Variants in EPB41L1 observed in about 807,000 individuals in gnomAD.
The protein encoded by EPB41L1 is band 4.1-like protein 1.
A neutral mutation model predicts 97.8 loss-of-function variants in EPB41L1; 29 were observed. The ratio of observed to expected loss-of-function variants is 0.30; its 90% CI spans 0.22 to 0.40. The LOEUF (loss-of-function observed/expected upper bound fraction) is 0.40. Among genes scored for constraint, EPB41L1 ranks in the 10% least tolerant of loss-of-function variants. EPB41L1 has a pLI of 1.00. For synonymous variants in EPB41L1, 383 were observed against 459.2 expected (o/e 0.83, Z 2.12); for missense variants, 812 against 1,162.3 (o/e 0.70, Z 4.38).
At chr20:36,164,471 C>G (rs965991065) in intron 1 of EPB41L1, among the ~76,000 whole-genome samples, 3 of 152,134 alleles carry the variant, frequency 2.0e-5, no homozygotes, top group African/African-American at 7.2e-5. Context: ...TCAGAATTTC[C>G]AAGAACACCT....
chr20:36,231,636 G>T lies in EPB41L1; in HGVS notation c.*2296G>T, dbSNP rs1284573920. On this transcript the variant is annotated 3_prime_UTR_variant, in exon 22 of 22. Transcript: ENST00000338074. ...GCTGCTTAGCTGGTGCTGGCCTGAG[G>T]CAGGGCAGGAAATCAGAATAGCATT... is the stretch of plus-strand genomic sequence containing the variant. The T allele has an allele frequency of 6.6e-6, 1 of 152,346 alleles. No individual in the cohort carries two copies. The highest frequency in any genetic ancestry group is 2.4e-5 in the African/African-American group (1 of 41,454). 9.4% of individuals were successfully genotyped at this position (152,346 alleles called of 1,614,324 possible).
At chr20:36,183,277 A>ATTGGGTCCCTCCT (rs2061543658) in intron 6 of EPB41L1, among the ~76,000 whole-genome samples, 1 of 152,076 alleles carries the variant, frequency 6.6e-6, no homozygotes, top group South Asian at 2.1e-4. Flanking sequence ...CCTCTCTCCC[A>ATTGGGTCCCTCCT]TTGGGTCCCT....
Position 36,137,585 on chromosome 20 carries a change from C to T in EPB41L1, c.-10+25105C>T, listed in dbSNP as rs549141067. Among the ~76,000 whole-genome samples, 6 of 152,090 alleles carry T rather than the reference C, an allele frequency of 3.9e-5. No individual in the cohort carries two copies. In the East Asian group the frequency reaches 5.8e-4, roughly 15 times the overall value. On this transcript the variant is annotated intron_variant, in intron 2 of 19. Transcript: ENST00000202028. Reference sequence around the variant, plus strand: ...TGTTGCCCAGGCTGGAGTGCAATGGCGCGATCTTGGCTCACGGCAATCTCC... The same window carrying T: ...TGTTGCCCAGGCTGGAGTGCAATGGTGCGATCTTGGCTCACGGCAATCTCC...
intron 21 of EPB41L1, among the ~76,000 whole-genome samples, chr20:36,225,984 GTTCTGTA>G (rs1174177063): frequency 6.6e-6 from 1 of 152,144 alleles, no homozygotes; most frequent in Admixed American, 6.6e-5. Flanking sequence ...CTTCTGGGTT[GTTCTGTA>G]AAGGTCACCT....
At chr20:36,175,293 G>A (rs1447407488) in intron 2 of EPB41L1, among the ~76,000 whole-genome samples, 1 of 152,190 alleles carries the variant, frequency 6.6e-6, no homozygotes, top group African/African-American at 2.4e-5. Context: ...TCCTGCCTCA[G>A]AGGATGCCTA....
In EPB41L1 at chr20:36,190,519, TGTA is replaced by T; in HGVS notation, c.1125-100_1125-98del. ...CCCTTCCTGGACCACTTTGAATTGT[TGTA>T]GTTGGTGGAGTAGTGGGATGAAAGG... On this transcript the variant is annotated intron_variant, in intron 10 of 21. Transcript: ENST00000338074. The surrounding 1 kb of genome is among the most constrained non-coding windows in gnomAD (Gnocchi z 5.8). The T allele has an allele frequency of 6.4e-7, 1 of 1,556,642 alleles. No individual in the cohort carries two copies.
At chr20:36,159,411 T>C (rs945937805) in intron 1 of EPB41L1, among the ~76,000 whole-genome samples, 9 of 152,186 alleles carry the variant, frequency 5.9e-5, no homozygotes, top group Admixed American at 5.2e-4. Context: ...CTGCTTGCAG[T>C]GGATGGAGCT....
intron 1 of EPB41L1, among the ~76,000 whole-genome samples, chr20:36,168,807 C>T (rs756537639): frequency 4.6e-5 from 7 of 152,008 alleles, no homozygotes; most frequent in Non-Finnish European, 7.4e-5. Flanking sequence ...CCACCTCAGC[C>T]TCCTAAAGTG....
At chr20:36,155,235 G>C (rs890077515) in intron 1 of EPB41L1, 6 of 453,028 alleles carry the variant, frequency 1.3e-5, no homozygotes, top group South Asian at 4.7e-5. Flanking sequence ...GGGCTCTTTG[G>C]ATTTCTGCTG....
chr20:36,157,182 C>T (rs929331187), intron 1 of EPB41L1, among the ~76,000 whole-genome samples: 2 of 152,146 alleles, frequency 1.3e-5, no homozygotes, highest in Non-Finnish European at 2.9e-5. Context: ...CGACATCGTG[C>T]CACTGCACTC....
intron 1 of EPB41L1, among the ~76,000 whole-genome samples, chr20:36,155,412 G>C (rs2090211740): frequency 6.6e-6 from 1 of 152,128 alleles, no homozygotes; most frequent in Non-Finnish European, 1.5e-5. Flanking sequence ...CTTAGCCCTA[G>C]GACTTCTGCA....
Position 36,229,531 on chromosome 20 carries a change from A to C in EPB41L1, c.*191A>C. On this transcript the variant is annotated 3_prime_UTR_variant, in exon 22 of 22. Coordinates refer to ENST00000338074, the MANE Select transcript of EPB41L1 (RefSeq NM_012156.2). Reference sequence around the variant, plus strand: ...AGATATAGATATATATACAGGAAACACCGCATCCTTGCACTGCTGCTGGGG... The same window carrying C: ...AGATATAGATATATATACAGGAAACCCCGCATCCTTGCACTGCTGCTGGGG... 1.9e-6 allele frequency: 1 copy of C among 529,130 alleles called. No homozygotes were observed. The highest frequency in any genetic ancestry group is 3.4e-6 in the Non-Finnish European group (1 of 290,470). 32.8% of individuals were successfully genotyped at this position (529,130 alleles called of 1,614,324 possible).
intron 21 of EPB41L1, among the ~76,000 whole-genome samples, chr20:36,224,022 C>T (rs910190394): frequency 3.9e-5 from 6 of 152,146 alleles, no homozygotes; most frequent in African/African-American, 1.4e-4. Context: ...GATTACCAGA[C>T]CCCTTAATGT....
Position 36,092,370 on chromosome 20 carries a change from G to A in EPB41L1, c.-65+758G>A, listed in dbSNP as rs1370070172. On this transcript the variant is annotated intron_variant, in intron 1 of 19. Transcript: ENST00000202028. The surrounding 1 kb of genome is among the most constrained non-coding windows in gnomAD (Gnocchi z 7.0). ...GGCCTCTGAGCCCGCCGCAGCTCAGGTTGACGCCGGGCCCACGTGGGGAAG... is the reference window on the plus strand; with the variant it reads ...GGCCTCTGAGCCCGCCGCAGCTCAGATTGACGCCGGGCCCACGTGGGGAAG... 6.6e-6 allele frequency among the ~76,000 whole-genome samples: 1 copy of A among 152,130 alleles called. No individual in the cohort carries two copies. The highest frequency in any genetic ancestry group is 1.5e-5 in the Non-Finnish European group (1 of 68,008).
At chr20:36,111,469 G>A (rs1210903448) in intron 1 of EPB41L1, among the ~76,000 whole-genome samples, 1 of 152,122 alleles carries the variant, frequency 6.6e-6, no homozygotes, top group Non-Finnish European at 1.5e-5. Context: ...AATTACACCA[G>A]AACAGGATGT....
At chr20:36,107,348 G>A (rs1601241702) in intron 1 of EPB41L1, among the ~76,000 whole-genome samples, 1 of 150,388 alleles carries the variant, frequency 6.6e-6, no homozygotes, top group Non-Finnish European at 1.5e-5. Flanking sequence ...AGCCTCCTGA[G>A]TAGCTGGGAT....
Position 36,195,459 on chromosome 20 carries a change from C to T in EPB41L1, c.1485+95C>T. On this transcript the variant is annotated intron_variant, in intron 13 of 21. Transcript: ENST00000338074. This position sits in a 1 kb window ranked among gnomAD's most constrained non-coding sequence, Gnocchi z 4.6. ...GTCCATCCCAGGCTCACTTCCCTGGCACCATCTCAGCTTCAACTTCATCTC... is the reference window on the plus strand; with the variant it reads ...GTCCATCCCAGGCTCACTTCCCTGGTACCATCTCAGCTTCAACTTCATCTC... 7.0e-7 allele frequency: 1 copy of T among 1,434,278 alleles called. No homozygotes were observed. The highest frequency in any genetic ancestry group is 9.8e-7 in the Non-Finnish European group (1 of 1,021,336). 88.8% of individuals were successfully genotyped at this position (1,434,278 alleles called of 1,614,324 possible).
At chr20:36,137,377 G>A (rs143275151) in intron 2 of EPB41L1, among the ~76,000 whole-genome samples, 1 of 150,382 alleles carries the variant, frequency 6.6e-6, no homozygotes, top group South Asian at 2.1e-4. Context: ...CGCTGGGGCA[G>A]CTAATTAAAA....
chr20:36,116,333 AG>A (rs1371633408), intron 2 of EPB41L1, among the ~76,000 whole-genome samples: 1 of 152,030 alleles, frequency 6.6e-6, no homozygotes, highest in East Asian at 1.9e-4. Context: ...GTTGGGGGTG[AG>A]GATGAGGGGT....
Sources: allele counts gnomAD v4.1 joint callset (sites outside exome capture counted in the v4.1 genomes callset), GRCh38; gene constraint gnomAD v4.1.1; non-coding constraint Gnocchi (gnomAD v3.1); transcripts MANE v1.5; gene names NCBI Gene and HGNC (gene_info 2026-07-23, HGNC 2026-07-21).